TMEM132B: variants seen among roughly 807,000 people sequenced by gnomAD.
The protein encoded by TMEM132B is transmembrane protein 132B.
Under a neutral mutation model 90.8 loss-of-function variants are expected in TMEM132B, and 18 were observed. The ratio of observed to expected loss-of-function variants is 0.20; its 90% CI spans 0.14 to 0.29. TMEM132B has a LOEUF of 0.29. Among genes scored for constraint, TMEM132B ranks in the 10% least tolerant of loss-of-function variants. The pLI is 1.00. For missense variants in TMEM132B, 1,096 were observed against 1,326.8 expected (o/e 0.83, Z 2.70); for synonymous variants, 504 against 523.3 (o/e 0.96, Z 0.50).
chr12:125,634,743 G>C (rs984005104), intron 5 of TMEM132B, among the ~76,000 whole-genome samples: 1 of 152,184 alleles, frequency 6.6e-6, no homozygotes, highest in Non-Finnish European at 1.5e-5. Context: ...TGGAAAGGAG[G>C]CCTCAGGACT....
At chr12:125,241,271 A>G (rs1035194122) in intron 1 of TMEM132B, among the ~76,000 whole-genome samples, 2 of 152,210 alleles carry the variant, frequency 1.3e-5, no homozygotes, top group African/African-American at 4.8e-5. Flanking sequence ...GGTCATGGTG[A>G]GCGTAAATGA....
chr12:125,308,886 T>C (rs1009885755), intron 1 of TMEM132B, among the ~76,000 whole-genome samples: 2 of 152,208 alleles, frequency 1.3e-5, no homozygotes, highest in Non-Finnish European at 2.9e-5. Context: ...ATATTTTTCC[T>C]TATATATGGA....
chr12:125,656,885 T>G lies in TMEM132B; in HGVS notation c.*2175T>G, dbSNP rs1030965446. On this transcript the variant is annotated 3_prime_UTR_variant, in exon 9 of 9. Coordinates refer to ENST00000682704, the MANE Select transcript of TMEM132B (RefSeq NM_001366854.1). ...ACTGGGAATTCATTTCTGAAAATGA[T>G]GAACCTCCGCTGAAACGGGGAGGAA... 3 of 152,232 alleles carry G rather than the reference T, an allele frequency of 2.0e-5. No homozygotes were observed. Among genetic ancestry groups the G allele is most frequent in the Non-Finnish European group, 4.4e-5 (3 of 68,062 alleles). 9.4% of individuals were successfully genotyped at this position (152,232 alleles called of 1,614,324 possible).
intron 6 of TMEM132B, among the ~76,000 whole-genome samples, chr12:125,644,674 C>T (rs1452466810): frequency 2.0e-5 from 3 of 152,046 alleles, no homozygotes; most frequent in African/African-American, 7.2e-5. Context: ...AGCCTTCCTC[C>T]ATGGAGCACA....
chr12:125,580,110 A>G (rs1342788322), intron 4 of TMEM132B, among the ~76,000 whole-genome samples: 1 of 152,086 alleles, frequency 6.6e-6, no homozygotes. Context: ...GAGCCTCAAA[A>G]TCAACCAGAG....
chr12:125,202,479 T>C (rs1412972840), intron 1 of TMEM132B, among the ~76,000 whole-genome samples: 1 of 152,258 alleles, frequency 6.6e-6, no homozygotes, highest in African/African-American at 2.4e-5. Context: ...GATCTGCTGC[T>C]GTGCTCACAT....
At chr12:125,351,120 C>T (rs1382467262) in intron 2 of TMEM132B, among the ~76,000 whole-genome samples, 1 of 152,082 alleles carries the variant, frequency 6.6e-6, no homozygotes, top group African/African-American at 2.4e-5. Context: ...GACAATAGAC[C>T]AGGGGTCAGA....
At chr12:125,252,358 C>T (rs1874335733) in intron 1 of TMEM132B, among the ~76,000 whole-genome samples, 2 of 152,198 alleles carry the variant, frequency 1.3e-5, no homozygotes, top group Admixed American at 1.3e-4. Flanking sequence ...CATGTGGTGG[C>T]CTCACAGCTT....
In TMEM132B at chr12:125,235,583, C is replaced by CA. The variant is rs546013486; in HGVS notation, c.67+48721dup. On this transcript the variant is annotated intron_variant, in intron 1 of 8. Coordinates refer to ENST00000682704, the MANE Select transcript of TMEM132B (RefSeq NM_001366854.1). ...CTACTTCCAAAACACTTTCATCCCC[C>CA]AAAAGGAAACCCCATACTCATTGAG... Among the ~76,000 whole-genome samples the CA allele has an allele frequency of 2.5e-3, 384 of 152,192 alleles. 1 individual carries two copies. Among genetic ancestry groups the CA allele is most frequent in the African/African-American group, 8.7e-3 (360 of 41,516 alleles).
At chr12:125,193,665 C>T (rs557629697) in intron 1 of TMEM132B, among the ~76,000 whole-genome samples, 17 of 152,300 alleles carry the variant, frequency 1.1e-4, no homozygotes, top group African/African-American at 3.6e-4. Flanking sequence ...AATCCTTGCA[C>T]GGTTCTTTGC....
chr12:125,262,682 C>A (rs766402303), intron 1 of TMEM132B, among the ~76,000 whole-genome samples: 1 of 152,188 alleles, frequency 6.6e-6, no homozygotes. Context: ...CCCAGAAAGA[C>A]GCTGTCAAAA....
At chr12:125,343,740 G>C (rs890552122) in intron 1 of TMEM132B, among the ~76,000 whole-genome samples, 1 of 152,190 alleles carries the variant, frequency 6.6e-6, no homozygotes, top group African/African-American at 2.4e-5. Flanking sequence ...TGTAAATGGT[G>C]TGCATCTCCC....
chr12:125,589,018 C>T (rs949433549), intron 5 of TMEM132B, among the ~76,000 whole-genome samples: 2 of 152,104 alleles, frequency 1.3e-5, no homozygotes, highest in African/African-American at 4.8e-5. Flanking sequence ...TACCTATTCA[C>T]CTGCATATTT....
intron 4 of TMEM132B, among the ~76,000 whole-genome samples, chr12:125,577,997 T>C (rs532537481): frequency 6.6e-6 from 1 of 152,276 alleles, no homozygotes; most frequent in African/African-American, 2.4e-5. Flanking sequence ...TCAAATTTGT[T>C]GAGACTTGTT....
intron 3 of TMEM132B, among the ~76,000 whole-genome samples, chr12:125,485,988 C>G (rs1251137798): frequency 6.6e-6 from 1 of 152,044 alleles, no homozygotes; most frequent in East Asian, 1.9e-4. Context: ...TGCCTGAGAC[C>G]AAGAAAATAA....
intron 5 of TMEM132B, among the ~76,000 whole-genome samples, chr12:125,635,843 G>A (rs1208225332): frequency 1.3e-5 from 2 of 152,156 alleles, no homozygotes; most frequent in Admixed American, 6.5e-5. Context: ...TTAGAATGGC[G>A]ATCGTTAAAA....
chr12:125,569,323 T>C (rs190606244), intron 4 of TMEM132B, among the ~76,000 whole-genome samples: 68 of 152,276 alleles, frequency 4.5e-4, no homozygotes, highest in African/African-American at 1.5e-3. Context: ...AGATTATTGC[T>C]GGCCCAGGGT....
chr12:125,406,617 A>C lies in TMEM132B; in HGVS notation c.960-8914A>C, dbSNP rs1027887829. ...GACTGGGTGGATGATATGGGGTATAAAAATATTTCACAGTCTTGATGGCGT... is the reference window on the plus strand; with the variant it reads ...GACTGGGTGGATGATATGGGGTATACAAATATTTCACAGTCTTGATGGCGT... On this transcript the variant is annotated intron_variant, in intron 2 of 8. Coordinates refer to ENST00000682704, the MANE Select transcript of TMEM132B (RefSeq NM_001366854.1). The surrounding 1 kb of genome is among the most constrained non-coding windows in gnomAD (Gnocchi z 8.3). Among the ~76,000 whole-genome samples, 2 of 152,292 alleles carry C rather than the reference A, an allele frequency of 1.3e-5. No homozygotes were observed. The highest frequency in any genetic ancestry group is 4.8e-5 in the African/African-American group (2 of 41,558).
chr12:125,526,345 G>A (rs1883461277), intron 4 of TMEM132B, among the ~76,000 whole-genome samples: 1 of 152,224 alleles, frequency 6.6e-6, no homozygotes, highest in Non-Finnish European at 1.5e-5. Context: ...GCCATCCACT[G>A]TGCCATCCCT....
Sources: allele counts gnomAD v4.1 joint callset (sites outside exome capture counted in the v4.1 genomes callset), GRCh38; gene constraint gnomAD v4.1.1; non-coding constraint Gnocchi (gnomAD v3.1); transcripts MANE v1.5; gene names NCBI Gene and HGNC (gene_info 2026-07-23, HGNC 2026-07-21).